Variants in ABCC5 observed in about 807,000 individuals in gnomAD.
ABCC5 encodes ATP binding cassette subfamily C member 5.
A neutral mutation model predicts 160.9 loss-of-function variants in ABCC5; 61 were observed. That is an observed-to-expected ratio of 0.38 (90% CI 0.31 to 0.47). The LOEUF is 0.47. Among genes scored for constraint, ABCC5 ranks in the 20% least tolerant of loss-of-function variants. ABCC5 has a pLI of 0.99. For synonymous variants in ABCC5, 666 were observed against 700.6 expected (o/e 0.95, Z 0.78); for missense variants, 1,308 against 1,813.3 (o/e 0.72, Z 5.06).
At chr3:183,971,973 G>T in intron 10 of ABCC5, 54 bp from the exon 11 acceptor site, 1 of 1,608,674 alleles carries the variant, frequency 6.2e-7, no homozygotes. Flanking sequence ...CAAGACCAGG[G>T]AGACAAGCCT....
intron 17 of ABCC5, among the ~76,000 whole-genome samples, chr3:183,957,895 CGGTT>C (rs1716329211): frequency 8.2e-6 from 1 of 121,322 alleles, no homozygotes; most frequent in Non-Finnish European, 1.9e-5. Flanking sequence ...TATATCACAT[CGGTT>C]ACATGCGGAT....
At chr3:183,932,182 CAGG>C (rs558334133) in intron 26 of ABCC5, among the ~76,000 whole-genome samples, 1 of 152,142 alleles carries the variant, frequency 6.6e-6, no homozygotes, top group Non-Finnish European at 1.5e-5. Flanking sequence ...GTTTTCAGAG[CAGG>C]AGATTTTGGG....
intron 12 of ABCC5, chr3:183,967,181 C>T (rs554124759): frequency 6.1e-6 from 1 of 163,554 alleles, no homozygotes; most frequent in South Asian, 1.8e-4. Context: ...GTTCTCAAGG[C>T]CTTGCTCCCC....
chr3:183,928,348 G>A (rs1712812473), intron 27 of ABCC5, among the ~76,000 whole-genome samples: 1 of 152,098 alleles, frequency 6.6e-6, no homozygotes, highest in Non-Finnish European at 1.5e-5. Flanking sequence ...CTGACCTCAG[G>A]TGATCCACCT....
intron 20 of ABCC5, among the ~76,000 whole-genome samples, chr3:183,950,369 T>TC (rs1249389681): frequency 6.6e-6 from 1 of 151,966 alleles, no homozygotes; most frequent in Non-Finnish European, 1.5e-5. Context: ...TTAAACATTT[T>TC]CCCCCTTTAC....
chr3:183,996,400 T>C (rs1720289965), intron 2 of ABCC5, among the ~76,000 whole-genome samples: 1 of 152,236 alleles, frequency 6.6e-6, no homozygotes, highest in South Asian at 2.1e-4. Flanking sequence ...AACCTATTCA[T>C]AGAAAACTAA....
intron 17 of ABCC5, among the ~76,000 whole-genome samples, chr3:183,959,074 C>T (rs1716497074): frequency 6.6e-6 from 1 of 151,616 alleles, no homozygotes; most frequent in Non-Finnish European, 1.5e-5. Context: ...CACACACACA[C>T]ACACACACAG....
chr3:183,977,953 A>G (rs1489555053), intron 9 of ABCC5, among the ~76,000 whole-genome samples: 5 of 152,122 alleles, frequency 3.3e-5, no homozygotes, highest in Non-Finnish European at 7.4e-5. Context: ...GGGTTTCACC[A>G]TGTTGGCCAG....
chr3:183,977,592 C>A lies in ABCC5; in HGVS notation c.1329G>T (p.Met443Ile), dbSNP rs1718332301. The stretch of plus-strand genomic sequence containing the variant: ...ACGGTGTTACTTTCAAAGCAAAAGT[C>A]ATGGAATTGAAGACTGTCACCACTG... ...AFTVVTVFNS[M>I]TFALKVTPFS... The change falls in exon 10 of 30, where the codon ATG (methionine) becomes ATT (isoleucine). Residue 443 changes from methionine to isoleucine, a missense_variant. Transcript: ENST00000334444. 6.2e-7 allele frequency: 1 copy of A among 1,613,926 alleles called. No homozygotes were observed.
chr3:184,002,011 T>A (rs1004324872), intron 2 of ABCC5, among the ~76,000 whole-genome samples: 2 of 152,130 alleles, frequency 1.3e-5, no homozygotes, highest in African/African-American at 4.8e-5. Context: ...ATCTTCCCCA[T>A]GACTATGTGA....
chr3:183,938,635 C>T lies in ABCC5; in HGVS notation c.3695-575G>A, dbSNP rs1158022128. ...TCATGAGAGTAAAATGGAAAAATGCCTCCTGGTCACCTTAGGAACAGGTGC... is the reference window on the plus strand; with the variant it reads ...TCATGAGAGTAAAATGGAAAAATGCTTCCTGGTCACCTTAGGAACAGGTGC... On this transcript the variant is annotated intron_variant, in intron 25 of 29. Coordinates refer to ENST00000334444, the MANE Select transcript of ABCC5 (RefSeq NM_005688.4). Among the ~76,000 whole-genome samples, 7 of 152,080 alleles carry T rather than the reference C, an allele frequency of 4.6e-5. No individual in the cohort carries two copies. The East Asian group carries it at 9.7e-4, about 21-fold the overall frequency.
chr3:183,926,917 C>T (rs1030401383), intron 28 of ABCC5, among the ~76,000 whole-genome samples: 5 of 151,818 alleles, frequency 3.3e-5, no homozygotes, highest in East Asian at 1.9e-4. Flanking sequence ...TGGTGGCGCA[C>T]GCCTGTAATC....
chr3:183,956,413 T>C (rs1197989516), intron 17 of ABCC5, among the ~76,000 whole-genome samples: 1 of 151,660 alleles, frequency 6.6e-6, no homozygotes, highest in Non-Finnish European at 1.5e-5. Flanking sequence ...GATCCGTGTG[T>C]ATATCATATC....
intron 2 of ABCC5, among the ~76,000 whole-genome samples, chr3:184,004,241 T>C (rs1044921494): frequency 3.0e-4 from 42 of 140,550 alleles, no homozygotes; most frequent in African/African-American, 1.0e-3. Flanking sequence ...CCAGGTACAG[T>C]GGCTCACACC....
intron 3 of ABCC5, among the ~76,000 whole-genome samples, 157 bp downstream of exon 3, chr3:183,989,069 T>C (rs1719491891): frequency 7.0e-6 from 1 of 142,194 alleles, no homozygotes; most frequent in Non-Finnish European, 1.5e-5. Context: ...CTCAGGAGGC[T>C]GAGAGGCAGG....
chr3:183,989,314 A>G lies in ABCC5; in HGVS notation c.199T>C (p.Ser67Pro). 1 of 1,614,158 alleles carries G rather than the reference A, an allele frequency of 6.2e-7. No individual in the cohort carries two copies. Among genetic ancestry groups the G allele is most frequent in the Non-Finnish European group, 8.5e-7 (1 of 1,180,026 alleles). The change falls in exon 3 of 30, where the codon TCT becomes CCT. Residue 67 changes from serine to proline, a missense_variant. Ser to Pro is a moderately conservative substitution (Grantham distance 74). Transcript: ENST00000334444. ...TCCTCATCCAGGATTCTGAGCTGAGAATGCATGGAGGCATCAAGAGAGAGG... is the reference window on the plus strand; with the variant it reads ...TCCTCATCCAGGATTCTGAGCTGAGGATGCATGGAGGCATCAAGAGAGAGG... ...EGLSLDASMH[S>P]QLRILDEEHP...
intron 2 of ABCC5, 83 bp downstream of exon 2, chr3:184,014,179 TAA>T (rs1380631061): frequency 1.4e-6 from 2 of 1,382,888 alleles, no homozygotes; most frequent in African/African-American, 2.9e-5. Flanking sequence ...GGCCAAAAAA[TAA>T]GTTTCTAAAT....
Position 183,942,835 on chromosome 3 carries a change from C to G in ABCC5, c.3586G>C (p.Glu1196Gln). 6.2e-7 allele frequency: 1 copy of G among 1,614,142 alleles called. No homozygotes were observed. Among genetic ancestry groups the G allele is most frequent in the Non-Finnish European group, 8.5e-7 (1 of 1,180,028 alleles). ...TCTCGGTACCTCATCTCTGCGTTCT[C>G]AAAGGTCACCTCTCCCTCCTGGGGC... Reference protein sequence around the residue: ...DWPQEGEVTFENAEMRYRENL... With the variant: ...DWPQEGEVTFQNAEMRYRENL... Residue 1196 changes from glutamate (E) to glutamine (Q), a missense_variant, in exon 25 of 30, where the codon GAG becomes CAG. By Grantham distance (29) the Glu-to-Gln change is conservative (BLOSUM62 2). Transcript: ENST00000334444.
intron 17 of ABCC5, among the ~76,000 whole-genome samples, chr3:183,957,139 G>T (rs552942919): frequency 4.2e-5 from 4 of 94,480 alleles, no homozygotes; most frequent in African/African-American, 1.2e-4. Flanking sequence ...GTTACATGCG[G>T]GTCCGTGTGT....
Sources: allele counts gnomAD v4.1 joint callset (sites outside exome capture counted in the v4.1 genomes callset), GRCh38; gene constraint gnomAD v4.1.1; transcripts MANE v1.5; gene names NCBI Gene and HGNC (gene_info 2026-07-23, HGNC 2026-07-21).